Variants in RANBP2 observed in about 807,000 individuals in gnomAD.
RANBP2 encodes the protein RAN binding protein 2, also known as E3 SUMO-protein ligase RanBP2.
Under a neutral mutation model 303.6 loss-of-function variants are expected in RANBP2, and 57 were observed. The ratio of observed to expected loss-of-function variants is 0.19; its 90% CI spans 0.15 to 0.23. RANBP2 has a LOEUF of 0.23. Among genes scored for constraint, RANBP2 ranks in the 10% least tolerant of loss-of-function variants. The probability of loss-of-function intolerance (pLI) is 1.00; values close to 1 mark genes in which losing one functional copy is unlikely to be tolerated. For synonymous variants in RANBP2, 1,167 were observed against 1,301.5 expected (o/e 0.90, Z 2.23); for missense variants, 3,138 against 3,780.8 (o/e 0.83, Z 4.46).
Position 108,762,705 on chromosome 2 carries a change from A to G in RANBP2, c.2697+510A>G, listed in dbSNP as rs1454817658. Among the ~76,000 whole-genome samples the G allele has an allele frequency of 3.4e-5, 5 of 148,406 alleles. No homozygotes were observed. The East Asian group carries it at 9.9e-4, about 29-fold the overall frequency. ...GAGGATAATAATAATACCTTAATTC[A>G]TAGGGTTTTTGAGGATATTAAAATG... On this transcript the variant is annotated intron_variant, in intron 19 of 28. Coordinates refer to ENST00000283195, the MANE Select transcript of RANBP2 (RefSeq NM_006267.5).
At chr2:109,135,003 C>T in the RANBP2 span, among the ~76,000 whole-genome samples, 11 of 152,344 alleles carry the variant, frequency 7.2e-5, no homozygotes, top group East Asian at 2.1e-3. Context: ...GCTCTCCTCA[C>T]TGATCCATAC....
At chr2:109,705,525 T>C in the RANBP2 span, among the ~76,000 whole-genome samples, 1 of 152,212 alleles carries the variant, frequency 6.6e-6, no homozygotes, top group Admixed American at 6.5e-5. Context: ...TTTCTTACCA[T>C]CTTCAGGAGT....
the RANBP2 span, among the ~76,000 whole-genome samples, chr2:109,351,242 G>T: frequency 4.0e-4 from 61 of 152,302 alleles, no homozygotes; most frequent in Non-Finnish European, 5.9e-4. Flanking sequence ...CCAGTCACCC[G>T]GGAGGGGCTG....
the RANBP2 span, chr2:108,875,960 T>C: frequency 1.7e-5 from 10 of 583,920 alleles, no homozygotes; most frequent in Non-Finnish European, 2.9e-5. Context: ...TTTAGTTGCC[T>C]ATTTTCTCCA....
At chr2:109,406,000 C>T in the RANBP2 span, among the ~76,000 whole-genome samples, 504 of 152,306 alleles carry the variant, frequency 3.3e-3, 1 homozygote, top group African/African-American at 0.012. Flanking sequence ...TCCCGCAGGC[C>T]CGGCTGCACA....
rs577690578 is a variant in RANBP2 at position 108,784,152 on chromosome 2, A to G, written c.*251A>G. On this transcript the variant is annotated 3_prime_UTR_variant, in exon 29 of 29. Coordinates refer to ENST00000283195, the MANE Select transcript of RANBP2 (RefSeq NM_006267.5). ...TGTACTCCTGACGTATTAAAATGGA[A>G]TAATACTAATCTTGTTAAAAGCAAT... 5 of 433,950 alleles carry G rather than the reference A, an allele frequency of 1.2e-5. No individual in the cohort carries two copies. The highest frequency in any genetic ancestry group is 9.9e-5 in the African/African-American group (5 of 50,676). The allele number at this position is 433,950 out of a possible 1,614,324, so 26.9% of individuals were successfully genotyped here. A position where few individuals can be genotyped will look rare whatever the true frequency, so the allele number is the denominator to read the frequency against.
the RANBP2 span, among the ~76,000 whole-genome samples, chr2:109,601,828 T>C: frequency 7.2e-5 from 11 of 152,126 alleles, no homozygotes; most frequent in African/African-American, 2.6e-4. Context: ...TTTCTAATAC[T>C]CTACAAGTTA....
chr2:108,719,862 C>T (rs921416963), intron 1 of RANBP2, among the ~76,000 whole-genome samples, 184 bp downstream of exon 1: 3 of 152,190 alleles, frequency 2.0e-5, no homozygotes, highest in African/African-American at 4.8e-5. Flanking sequence ...GGGGGGACAG[C>T]GGTGGGCGGG....
chr2:109,532,579 T>G, the RANBP2 span, among the ~76,000 whole-genome samples: 1 of 152,116 alleles, frequency 6.6e-6, no homozygotes, highest in African/African-American at 2.4e-5. Flanking sequence ...GGCTTGCTCC[T>G]TATTTCTCTC....
chr2:108,983,815 C>T, the RANBP2 span, among the ~76,000 whole-genome samples: 11 of 152,310 alleles, frequency 7.2e-5, no homozygotes, highest in East Asian at 2.1e-3. Flanking sequence ...CATCAGTGAT[C>T]TCTGAACCCG....
At chr2:109,402,135 T>A in the RANBP2 span, among the ~76,000 whole-genome samples, 2 of 152,228 alleles carry the variant, frequency 1.3e-5, no homozygotes, top group Non-Finnish European at 2.9e-5. Context: ...AGTGTGCTGC[T>A]ATGGTCTGGA....
chr2:109,304,977 T>C, the RANBP2 span, among the ~76,000 whole-genome samples: 1 of 152,166 alleles, frequency 6.6e-6, no homozygotes, highest in Non-Finnish European at 1.5e-5. Context: ...AGTAGGAATG[T>C]TTAATGTGTG....
chr2:109,513,130 G>T, the RANBP2 span, among the ~76,000 whole-genome samples: 1 of 152,144 alleles, frequency 6.6e-6, no homozygotes, highest in Admixed American at 6.5e-5. Flanking sequence ...CTCCTTCCCT[G>T]GCACAATGCC....
the RANBP2 span, among the ~76,000 whole-genome samples, chr2:109,554,062 CA>C: frequency 6.6e-6 from 1 of 152,086 alleles, no homozygotes; most frequent in Non-Finnish European, 1.5e-5. Context: ...AATAAAGACT[CA>C]AAACCCTTCT....
At chr2:109,681,542 T>G in the RANBP2 span, among the ~76,000 whole-genome samples, 1 of 152,206 alleles carries the variant, frequency 6.6e-6, no homozygotes, top group Non-Finnish European at 1.5e-5. Flanking sequence ...TAGGTGAGTT[T>G]AAAAGAACAT....
chr2:108,782,280 C>T lies in RANBP2; in HGVS notation c.8913C>T (p.Ile2971=). The change falls in exon 27 of 29, where the codon ATC becomes ATT. Residue 2971 remains isoleucine, a synonymous_variant. Transcript: ENST00000283195. The part of the protein sequence containing the change: ...LWHTMKNYYR[I]LMRRDQVFKV... ...ATACAATGAAGAATTATTACCGGATCCTAATGAGAAGAGACCAGGTTTTTA... is the reference window on the plus strand; with the variant it reads ...ATACAATGAAGAATTATTACCGGATTCTAATGAGAAGAGACCAGGTTTTTA... 6.2e-7 allele frequency: 1 copy of T among 1,614,116 alleles called. No homozygotes were observed. The highest frequency in any genetic ancestry group is 8.5e-7 in the Non-Finnish European group (1 of 1,180,010).
Position 108,781,261 on chromosome 2 carries a change from T to C in RANBP2, c.8600-8T>C. The C allele has an allele frequency of 6.2e-7, 1 of 1,614,106 alleles. No individual in the cohort carries two copies. Among genetic ancestry groups the C allele is most frequent in the Non-Finnish European group, 8.5e-7 (1 of 1,179,960 alleles). On this transcript the variant is annotated splice_polypyrimidine_tract_variant and splice_region_variant and intron_variant, in intron 25 of 28. Transcript: ENST00000283195. ...ACTAGTGTTTAAATATCCTGATTTATTCATCAGATAAAAATTTCCAATGGG... is the reference window on the plus strand; with the variant it reads ...ACTAGTGTTTAAATATCCTGATTTACTCATCAGATAAAAATTTCCAATGGG...
the RANBP2 span, among the ~76,000 whole-genome samples, chr2:109,145,636 T>C: frequency 6.6e-6 from 1 of 152,196 alleles, no homozygotes. Context: ...GTTTCTAGAC[T>C]CTCGTGGACT....
the RANBP2 span, among the ~76,000 whole-genome samples, chr2:109,679,861 T>C: frequency 6.6e-6 from 1 of 152,148 alleles, no homozygotes; most frequent in Non-Finnish European, 1.5e-5. Context: ...TGAATAAGTT[T>C]CCAGCCAGCT....
Sources: allele counts gnomAD v4.1 joint callset (sites outside exome capture counted in the v4.1 genomes callset), GRCh38; gene constraint gnomAD v4.1.1; transcripts MANE v1.5; gene names NCBI Gene and HGNC (gene_info 2026-07-23, HGNC 2026-07-21).